SLC2A13: variants seen among roughly 807,000 people sequenced by gnomAD.
SLC2A13 encodes the protein proton myo-inositol cotransporter.
SLC2A13 carries 32 observed loss-of-function variants against 64.4 expected under a neutral mutation model. The ratio of observed to expected loss-of-function variants is 0.50; its 90% CI spans 0.37 to 0.67. The LOEUF (loss-of-function observed/expected upper bound fraction) is 0.67, where lower values mean the gene tolerates loss of function less well. Ranked by LOEUF, SLC2A13 falls within the 30% of genes least tolerant of loss-of-function variation. The pLI is 0.00. For synonymous variants in SLC2A13, 338 were observed against 327.1 expected, an observed-to-expected ratio of 1.03 and a Z score of -0.36; for missense variants, 743 against 829.2, an observed-to-expected ratio of 0.90 and a Z score of 1.28.
At chr12:39,961,659 T>C (rs1946415751) in intron 3 of SLC2A13, among the ~76,000 whole-genome samples, 1 of 151,662 alleles carries the variant, frequency 6.6e-6, no homozygotes. Flanking sequence ...CCATCACATC[T>C]GGCTAATTAA....
At chr12:39,831,047 C>T (rs149911608) in intron 6 of SLC2A13, among the ~76,000 whole-genome samples, 45 of 152,234 alleles carry the variant, frequency 3.0e-4, no homozygotes, top group African/African-American at 9.1e-4. Flanking sequence ...GAGTTTTCTC[C>T]CTGTCACACA....
At chr12:39,840,852 C>T (rs1943161273) in intron 6 of SLC2A13, among the ~76,000 whole-genome samples, 1 of 152,048 alleles carries the variant, frequency 6.6e-6, no homozygotes, top group Non-Finnish European at 1.5e-5. Flanking sequence ...TACATAAGTG[C>T]TCAATAAATA....
At chr12:40,022,395 C>A (rs1947734808) in intron 3 of SLC2A13, among the ~76,000 whole-genome samples, 4 of 152,190 alleles carry the variant, frequency 2.6e-5, no homozygotes, top group Admixed American at 2.6e-4. Flanking sequence ...TTAGCTAGTG[C>A]CTCTGGGTTG....
At chr12:39,781,234 G>A (rs1019469301) in intron 7 of SLC2A13, among the ~76,000 whole-genome samples, 2 of 152,174 alleles carry the variant, frequency 1.3e-5, no homozygotes, top group African/African-American at 2.4e-5. Flanking sequence ...AGTTCGGTGA[G>A]TGAATAGCTT....
intron 4 of SLC2A13, among the ~76,000 whole-genome samples, chr12:39,880,987 T>C (rs1944323636): frequency 6.6e-6 from 1 of 152,254 alleles, no homozygotes; most frequent in Non-Finnish European, 1.5e-5. Flanking sequence ...TCCCATTTGT[T>C]GAATTGTATG....
chr12:39,840,149 A>G (rs890062013), intron 6 of SLC2A13, among the ~76,000 whole-genome samples: 2 of 151,982 alleles, frequency 1.3e-5, no homozygotes, highest in African/African-American at 4.8e-5. Flanking sequence ...TTCCTGCCTC[A>G]GCTTCCTGAG....
rs531221375 is a variant in SLC2A13, at chr12:40,022,023, T to C, written c.925+6278A>G. 1.3e-4 allele frequency among the ~76,000 whole-genome samples: 20 copies of C among 151,976 alleles called. 1 individual carries two copies. The South Asian group carries it at 4.2e-3, about 32-fold the overall frequency. On this transcript the variant is annotated intron_variant, in intron 3 of 9. Transcript: ENST00000280871. ...AGGTAGGTAAGACTTCATGACCAAA[T>C]TGCAAAATTACTAGAGGAAAAAAAA...
At chr12:39,985,256 T>C (rs1947008317) in intron 3 of SLC2A13, among the ~76,000 whole-genome samples, 1 of 152,126 alleles carries the variant, frequency 6.6e-6, no homozygotes, top group East Asian at 1.9e-4. Flanking sequence ...TTTCTTGGTG[T>C]TAGTTTGTTA....
chr12:39,945,672 C>A (rs1400460885), intron 4 of SLC2A13, among the ~76,000 whole-genome samples: 2 of 152,070 alleles, frequency 1.3e-5, no homozygotes, highest in African/African-American at 4.8e-5. Flanking sequence ...TTTTGCATTT[C>A]TAAAAGTGTG....
intron 3 of SLC2A13, among the ~76,000 whole-genome samples, chr12:39,951,645 T>C (rs1946232511): frequency 6.6e-6 from 1 of 152,212 alleles, no homozygotes; most frequent in African/African-American, 2.4e-5. Flanking sequence ...TAACTAAAAC[T>C]GTCAAATTAG....
intron 9 of SLC2A13, among the ~76,000 whole-genome samples, chr12:39,763,044 A>G (rs1940219785): frequency 6.6e-6 from 1 of 152,072 alleles, no homozygotes; most frequent in Admixed American, 6.6e-5. Flanking sequence ...TCAGGATGCG[A>G]GCATATACTT....
At chr12:39,985,069 T>C (rs1424339847) in intron 3 of SLC2A13, among the ~76,000 whole-genome samples, 1 of 152,172 alleles carries the variant, frequency 6.6e-6, no homozygotes, top group Non-Finnish European at 1.5e-5. Context: ...GAGGGATATA[T>C]GCAAACAATT....
intron 9 of SLC2A13, among the ~76,000 whole-genome samples, chr12:39,761,631 C>CA (rs5797632): frequency 2.7e-5 from 4 of 150,310 alleles, no homozygotes; most frequent in Non-Finnish European, 4.4e-5. Flanking sequence ...GGAATTTTGA[C>CA]AAAAAAAAAA....
At chr12:39,943,761 T>C (rs1288524129) in intron 4 of SLC2A13, among the ~76,000 whole-genome samples, 2 of 152,324 alleles carry the variant, frequency 1.3e-5, no homozygotes, top group Non-Finnish European at 2.9e-5. Context: ...GACTGTGCCA[T>C]GAAGGACAGT....
chr12:39,941,128 TA>T (rs1310667464), intron 4 of SLC2A13, among the ~76,000 whole-genome samples: 1 of 39,280 alleles, frequency 2.5e-5, no homozygotes, highest in Non-Finnish European at 1.2e-4. Flanking sequence ...ATCATATATA[TA>T]TATATATATA....
intron 6 of SLC2A13, among the ~76,000 whole-genome samples, chr12:39,861,142 T>C (rs536152953): frequency 1.8e-4 from 27 of 152,342 alleles, no homozygotes; most frequent in African/African-American, 5.5e-4. Flanking sequence ...TACTCCACTC[T>C]TCTTTTAAGA....
intron 3 of SLC2A13, among the ~76,000 whole-genome samples, chr12:39,989,740 A>T (rs1947099657): frequency 1.3e-5 from 2 of 152,206 alleles, no homozygotes; most frequent in Admixed American, 1.3e-4. Flanking sequence ...AATACACTGT[A>T]GGGAAGCAGA....
intron 1 of SLC2A13, among the ~76,000 whole-genome samples, chr12:40,053,397 T>C (rs1948290361): frequency 6.6e-6 from 1 of 152,006 alleles, no homozygotes; most frequent in South Asian, 2.1e-4. Flanking sequence ...AAAGAGATTT[T>C]CAGAAAGCCA....
At chr12:39,879,460 GC>G (rs1944287376) in intron 4 of SLC2A13, among the ~76,000 whole-genome samples, 1 of 152,224 alleles carries the variant, frequency 6.6e-6, no homozygotes, top group African/African-American at 2.4e-5. Context: ...GGTGCCCAAG[GC>G]CTTGGGAGCC....
Sources: gnomAD v4.1 joint callset for allele counts (sites outside exome capture counted in the v4.1 genomes callset) on GRCh38, gnomAD v4.1.1 for gene constraint, MANE v1.5 for transcripts, NCBI Gene and HGNC (gene_info 2026-07-23, HGNC 2026-07-21) for gene names.